Variants in TGM2 observed in about 807,000 individuals in gnomAD.
The protein encoded by TGM2 is transglutaminase 2.
A neutral mutation model predicts 75.6 loss-of-function variants in TGM2; 53 were observed. The ratio of observed to expected loss-of-function variants is 0.70; its 90% CI spans 0.56 to 0.88. The LOEUF (loss-of-function observed/expected upper bound fraction) is 0.88, where lower values mean the gene tolerates loss of function less well. TGM2 is among the 40% of genes least tolerant of loss of function. The pLI is 0.00. For synonymous variants in TGM2, 374 were observed against 381.1 expected (o/e 0.98, Z 0.22); for missense variants, 842 against 928.5 (o/e 0.91, Z 1.21).
At chr20:38,166,802 T>G (rs777490440), upstream of TGM2, among the ~76,000 whole-genome samples, 2 of 152,144 alleles carry the variant, frequency 1.3e-5, no homozygotes, top group Non-Finnish European at 2.9e-5. Context: ...CAAAGAGTGT[T>G]GGGCCCAGCT....
chr20:38,165,263 C>T lies in TGM2; in HGVS notation c.-65G>A. On this transcript the variant is annotated 5_prime_UTR_variant, in exon 1 of 13. Transcript: ENST00000361475. ...ACCCTCCAAGTGCGACCACTGGCGG[C>T]TGGCACTGCCGAGGCGGAGAGCGGC... The T allele has an allele frequency of 6.2e-7, 1 of 1,608,646 alleles. No homozygotes were observed. Among genetic ancestry groups the T allele is most frequent in the Non-Finnish European group, 8.5e-7 (1 of 1,178,898 alleles).
intron 2 of TGM2, among the ~76,000 whole-genome samples, chr20:38,158,823 CAG>C (rs1469836940): frequency 6.6e-6 from 1 of 152,362 alleles, no homozygotes; most frequent in East Asian, 1.9e-4. Flanking sequence ...CACACAGGAG[CAG>C]AGTCAGCTGG....
chr20:38,152,696 CT>C (rs2122936575), intron 3 of TGM2, among the ~76,000 whole-genome samples: 1 of 152,368 alleles, frequency 6.6e-6, no homozygotes, highest in Non-Finnish European at 1.5e-5. Flanking sequence ...AGACCCGGCC[CT>C]TTCCCACCCA....
At chr20:38,147,760 ATAAAT>A (rs2075062728) in intron 5 of TGM2, among the ~76,000 whole-genome samples, 196 bp downstream of exon 5, 2 of 152,222 alleles carry the variant, frequency 1.3e-5, no homozygotes, top group South Asian at 4.1e-4. Flanking sequence ...GAAGAAATGA[ATAAAT>A]TAATTGCTCT....
At chr20:38,131,942 C>A (rs2074838958) in intron 11 of TGM2, among the ~76,000 whole-genome samples, 2 of 151,958 alleles carry the variant, frequency 1.3e-5, no homozygotes, top group Admixed American at 6.5e-5. Flanking sequence ...CACAGAGGGG[C>A]AAACTCACAT....
chr20:38,161,709 A>G, intron 1 of TGM2, 110 bp from the exon 2 acceptor site: 2 of 1,317,146 alleles, frequency 1.5e-6, no homozygotes, highest in South Asian at 1.2e-5. Context: ...CTCCCCACAA[A>G]GCACAGCCAT....
chr20:38,144,218 C>CT (rs2122896317), intron 6 of TGM2, among the ~76,000 whole-genome samples: 1 of 152,332 alleles, frequency 6.6e-6, no homozygotes, highest in African/African-American at 2.4e-5. Context: ...GGATCAGAGA[C>CT]TGACCCTGCT....
chr20:38,144,140 CA>C (rs1054110144), intron 6 of TGM2, among the ~76,000 whole-genome samples: 1 of 152,196 alleles, frequency 6.6e-6, no homozygotes, highest in African/African-American at 2.4e-5. Context: ...ACTCTTGCCC[CA>C]GGGGTGGTGT....
rs573892584 is a variant in TGM2 at position 38,157,470 on chromosome 20, A to C, written c.191-1381T>G. Among the ~76,000 whole-genome samples, 151 of 152,318 alleles carry C rather than the reference A, an allele frequency of 9.9e-4. 1 individual carries two copies. Among genetic ancestry groups the C allele is most frequent in the African/African-American group, 3.3e-3 (136 of 41,582 alleles). On this transcript the variant is annotated intron_variant, in intron 2 of 12. Coordinates refer to ENST00000361475, the MANE Select transcript of TGM2 (RefSeq NM_004613.4). ...ACTGTGTGACCTGGGCCACATCACC[A>C]GGCCTCTCTGATCTGCTTTCTTATC...
intron 5 of TGM2, 135 bp downstream of exon 5, chr20:38,147,826 A>T (rs1042464688): frequency 5.5e-6 from 7 of 1,279,974 alleles, no homozygotes; most frequent in Non-Finnish European, 7.6e-6. Context: ...TCTTTCCAAT[A>T]TAAGGTCTTT....
chr20:38,157,103 G>A (rs1302301232), intron 2 of TGM2, among the ~76,000 whole-genome samples: 4 of 152,196 alleles, frequency 2.6e-5, no homozygotes, highest in Non-Finnish European at 4.4e-5. Context: ...TTCTCTGCCT[G>A]GCTGGGCGGG....
intron 2 of TGM2, among the ~76,000 whole-genome samples, chr20:38,158,461 G>C (rs964672005): frequency 1.3e-5 from 2 of 152,148 alleles, no homozygotes; most frequent in Non-Finnish European, 2.9e-5. Flanking sequence ...GACCATGGTG[G>C]CCGGGCTGGG....
At chr20:38,154,962 C>T (rs1419380228) in intron 3 of TGM2, among the ~76,000 whole-genome samples, 1 of 152,192 alleles carries the variant, frequency 6.6e-6, no homozygotes, top group Non-Finnish European at 1.5e-5. Context: ...AAAAATTAGC[C>T]AGGCGTGGTG....
At chr20:38,168,463 C>T (rs964034673), upstream of TGM2, among the ~76,000 whole-genome samples, 1 of 152,190 alleles carries the variant, frequency 6.6e-6, no homozygotes. Flanking sequence ...AATCAGGGCC[C>T]TTTGTCATCT....
upstream of TGM2, among the ~76,000 whole-genome samples, chr20:38,165,954 G>A (rs988279737): frequency 7.0e-6 from 1 of 142,104 alleles, no homozygotes; most frequent in Non-Finnish European, 1.6e-5. Flanking sequence ...GGACACAGAT[G>A]AGCAGGTGTC....
chr20:38,153,533 G>GAAAAGAAAA (rs2075142383), intron 3 of TGM2, among the ~76,000 whole-genome samples: 1 of 87,448 alleles, frequency 1.1e-5, no homozygotes, highest in Non-Finnish European at 2.3e-5. Flanking sequence ...TCAAAAAAAA[G>GAAAAGAAAA]AAAAAAAAAA....
chr20:38,165,318 C>G (rs940591205), upstream of TGM2: 1 of 1,482,650 alleles, frequency 6.7e-7, no homozygotes, highest in Non-Finnish European at 9.2e-7. Context: ...TGGGGCGGGC[C>G]GGGGGCGGGG....
At position 38,130,120 on chromosome 20, in the gene TGM2, G is replaced by A; in HGVS notation, c.*99C>T. The A allele has an allele frequency of 6.5e-7, 1 of 1,536,302 alleles. No homozygotes were observed. The highest frequency in any genetic ancestry group is 8.8e-7 in the Non-Finnish European group (1 of 1,131,526). On this transcript the variant is annotated 3_prime_UTR_variant, in exon 13 of 13. Coordinates refer to ENST00000361475, the MANE Select transcript of TGM2 (RefSeq NM_004613.4). ...CCCCATAGGCTGCCCACCCTGCCCT[G>A]GGGTCTGGGGCCCAAGAAGGGGCAT...
intron 2 of TGM2, among the ~76,000 whole-genome samples, chr20:38,156,919 G>A (rs1044872182): frequency 2.6e-5 from 4 of 152,144 alleles, no homozygotes; most frequent in Middle Eastern, 3.2e-3. Context: ...TCTTCCCAAA[G>A]AGGACACTCC....
Sources: gnomAD v4.1 joint callset for allele counts (sites outside exome capture counted in the v4.1 genomes callset) on GRCh38, gnomAD v4.1.1 for gene constraint, MANE v1.5 for transcripts, NCBI Gene and HGNC (gene_info 2026-07-23, HGNC 2026-07-21) for gene names.